The following EPB41L2 variants were observed in gnomAD, a reference collection of about 807,000 sequenced individuals.
EPB41L2 encodes erythrocyte membrane protein band 4.1 like 2.
Under a neutral mutation model 113.0 loss-of-function variants are expected in EPB41L2, and 43 were observed. The observed-to-expected ratio is 0.38, with a 90% CI of 0.30 to 0.49. The LOEUF (loss-of-function observed/expected upper bound fraction) is 0.49. Among genes scored for constraint, EPB41L2 ranks in the 20% least tolerant of loss-of-function variants. EPB41L2 has a pLI of 0.95. For missense variants in EPB41L2, 1,147 were observed against 1,223.4 expected (o/e 0.94, Z 0.93); for synonymous variants, 442 against 436.7 (o/e 1.01, Z -0.15).
intron 1 of EPB41L2, among the ~76,000 whole-genome samples, chr6:131,000,226 G>A (rs1784065506): frequency 6.6e-6 from 1 of 152,020 alleles, no homozygotes; most frequent in Non-Finnish European, 1.5e-5. Flanking sequence ...TGGGTAGGGA[G>A]GATCTTCTTC....
At chr6:131,006,638 C>CCT (rs10627936) in intron 1 of EPB41L2, among the ~76,000 whole-genome samples, 116,779 of 150,156 alleles carry the variant, frequency 0.78, 45,836 homozygotes, top group African/African-American at 0.87. Flanking sequence ...CCACTGAACC[C>CCT]GACTGGGTGA....
chr6:131,033,854 T>C (rs1792743405), intron 1 of EPB41L2, among the ~76,000 whole-genome samples: 1 of 152,198 alleles, frequency 6.6e-6, no homozygotes, highest in Admixed American at 6.5e-5. Flanking sequence ...GTTCTGGAAA[T>C]AGACAGTGGT....
At chr6:131,053,760 G>A (rs958533401) in intron 1 of EPB41L2, among the ~76,000 whole-genome samples, 1 of 152,214 alleles carries the variant, frequency 6.6e-6, no homozygotes, top group South Asian at 2.1e-4. Context: ...ACATTTTGTT[G>A]CTTACTCATA....
chr6:130,911,517 C>A (rs1428193537), intron 4 of EPB41L2, among the ~76,000 whole-genome samples: 2 of 151,160 alleles, frequency 1.3e-5, no homozygotes, highest in African/African-American at 4.9e-5. Context: ...ACTTAAAGTA[C>A]AATAATAATA....
chr6:130,891,726 G>C (rs1202230059), intron 10 of EPB41L2, among the ~76,000 whole-genome samples: 5 of 152,118 alleles, frequency 3.3e-5, no homozygotes, highest in Non-Finnish European at 7.3e-5. Flanking sequence ...GGGATTACAG[G>C]CATGAGCCAC....
intron 1 of EPB41L2, among the ~76,000 whole-genome samples, chr6:131,056,133 G>T (rs75574001): frequency 6.6e-6 from 1 of 152,116 alleles, no homozygotes; most frequent in Non-Finnish European, 1.5e-5. Context: ...GTTAAAACAC[G>T]ATGTTGCTGG....
At chr6:131,061,858 G>A (rs1214547853) in intron 1 of EPB41L2, among the ~76,000 whole-genome samples, 4 of 151,908 alleles carry the variant, frequency 2.6e-5, no homozygotes, top group Non-Finnish European at 4.4e-5. Flanking sequence ...AAAAACTGAG[G>A]GGAAAACCGC....
chr6:131,037,401 G>T (rs1178506259), intron 1 of EPB41L2, among the ~76,000 whole-genome samples: 2 of 152,076 alleles, frequency 1.3e-5, no homozygotes, highest in Non-Finnish European at 2.9e-5. Flanking sequence ...TGACATATGA[G>T]CTGTGCCTTA....
intron 4 of EPB41L2, among the ~76,000 whole-genome samples, chr6:130,918,519 T>A (rs1208479417): frequency 6.6e-6 from 1 of 152,206 alleles, no homozygotes; most frequent in East Asian, 1.9e-4. Flanking sequence ...ATTCCACGTA[T>A]TTTTAACAAC....
Position 130,848,195 on chromosome 6 carries a change from TCTCTCACA to T in EPB41L2, c.*6-7605_*6-7598del, listed in dbSNP as rs1264013720. 1.8e-3 allele frequency among the ~76,000 whole-genome samples: 197 copies of T among 110,702 alleles called. 1 individual carries two copies. The highest frequency in any genetic ancestry group is 8.2e-3 in the African/African-American group (177 of 21,538). 72.6% of individuals were successfully genotyped at this position (110,702 alleles called of 152,430 possible). ...CTGTCTCTCTCTGTCTCTCTCTCTC[TCTCTCACA>T]CACACACACACACACACACACACAC... On this transcript the variant is annotated intron_variant, in intron 19 of 19. Coordinates refer to ENST00000337057, the MANE Select transcript of EPB41L2 (RefSeq NM_001431.4).
At chr6:130,951,656 T>C (rs67836126) in intron 3 of EPB41L2, among the ~76,000 whole-genome samples, 10,703 of 151,980 alleles carry the variant, frequency 0.07, 528 homozygotes, top group Admixed American at 0.13. Flanking sequence ...AAAACTGCAA[T>C]TACTTTTGCA....
intron 1 of EPB41L2, among the ~76,000 whole-genome samples, chr6:131,032,241 GA>G (rs202124780): frequency 0.011 from 1,656 of 148,418 alleles, 16 homozygotes; most frequent in Non-Finnish European, 0.015. Flanking sequence ...CAAAGCTATG[GA>G]AAAATACAAG....
chr6:130,907,563 T>A (rs1798095270), intron 5 of EPB41L2, among the ~76,000 whole-genome samples: 1 of 151,604 alleles, frequency 6.6e-6, no homozygotes, highest in African/African-American at 2.4e-5. Flanking sequence ...CCTGGGCAAA[T>A]CAGGAGGTTG....
chr6:130,944,208 A>AC (rs1811985797), intron 3 of EPB41L2, among the ~76,000 whole-genome samples: 1 of 90,754 alleles, frequency 1.1e-5, no homozygotes, highest in African/African-American at 3.3e-5. Context: ...CACACACACA[A>AC]ATGCCCAAAT....
chr6:130,893,362 C>T (rs894105913), intron 10 of EPB41L2, among the ~76,000 whole-genome samples: 3 of 151,944 alleles, frequency 2.0e-5, no homozygotes, highest in Non-Finnish European at 2.9e-5. Context: ...GAGAGAGGAG[C>T]GATGCTTCAT....
intron 1 of EPB41L2, among the ~76,000 whole-genome samples, chr6:131,033,505 G>A (rs1792655519): frequency 6.6e-6 from 1 of 151,808 alleles, no homozygotes; most frequent in Non-Finnish European, 1.5e-5. Flanking sequence ...GTTCATAACA[G>A]CATTATTCAC....
chr6:130,847,364 C>T (rs536819133), intron 19 of EPB41L2, among the ~76,000 whole-genome samples: 2 of 152,288 alleles, frequency 1.3e-5, no homozygotes, highest in South Asian at 2.1e-4. Context: ...GTGCCCTGAA[C>T]ATTATTTTTA....
chr6:130,904,871 A>T (rs560183710), intron 5 of EPB41L2, among the ~76,000 whole-genome samples: 1 of 151,680 alleles, frequency 6.6e-6, no homozygotes, highest in East Asian at 1.9e-4. Context: ...CTGAGATAAG[A>T]TTCAATTTAA....
At chr6:130,915,050 TC>T (rs1259406640) in intron 4 of EPB41L2, among the ~76,000 whole-genome samples, 3 of 152,124 alleles carry the variant, frequency 2.0e-5, no homozygotes, top group Admixed American at 6.5e-5. Flanking sequence ...ACGCCTGTAA[TC>T]CCAGCACTTT....
Sources: gnomAD v4.1 joint callset for allele counts (sites outside exome capture counted in the v4.1 genomes callset) on GRCh38, gnomAD v4.1.1 for gene constraint, MANE v1.5 for transcripts, NCBI Gene and HGNC (gene_info 2026-07-23, HGNC 2026-07-21) for gene names.